The following THEMIS variants were observed in gnomAD, a reference collection of about 807,000 sequenced individuals.
THEMIS encodes the protein thymocyte selection associated.
Under a neutral mutation model 52.6 loss-of-function variants are expected in THEMIS, and 37 were observed. The ratio of observed to expected loss-of-function variants is 0.70; its 90% CI spans 0.54 to 0.93. The LOEUF (loss-of-function observed/expected upper bound fraction) is 0.93, where lower values mean the gene tolerates loss of function less well. Ranked by LOEUF, THEMIS falls within the 40% of genes least tolerant of loss-of-function variation. The pLI is 0.00. For missense variants in THEMIS, 808 were observed against 763.1 expected, an observed-to-expected ratio of 1.06 and a Z score of -0.69; for synonymous variants, 292 against 272.7, an observed-to-expected ratio of 1.07 and a Z score of -0.70.
At chr6:127,763,837 A>G (rs1459820492) in intron 4 of THEMIS, among the ~76,000 whole-genome samples, 1 of 151,974 alleles carries the variant, frequency 6.6e-6, no homozygotes, top group Non-Finnish European at 1.5e-5. Flanking sequence ...ATATCATGCT[A>G]AAGTATATCA....
In THEMIS at chr6:127,817,336, GAA is replaced by G. The variant is rs1013383699; in HGVS notation, c.710-3407_710-3406del. On this transcript the variant is annotated intron_variant, in intron 3 of 5. Transcript: ENST00000368248. ...ATATATTCTATATAAAATTTCACTG[GAA>G]AAAAAAGTTTTCTATGTTAAAACTC... Among the ~76,000 whole-genome samples the G allele has an allele frequency of 2.6e-5, 4 of 151,840 alleles. No homozygotes were observed. In the East Asian group the frequency reaches 7.7e-4, roughly 29 times the overall value.
chr6:127,698,465 T>C, the THEMIS span, among the ~76,000 whole-genome samples: 5 of 152,098 alleles, frequency 3.3e-5, no homozygotes, highest in Admixed American at 3.3e-4. Flanking sequence ...TTCGTTAATA[T>C]CCATTGTTTC....
chr6:127,849,100 G>A (rs1001992242), intron 2 of THEMIS, among the ~76,000 whole-genome samples: 2 of 151,948 alleles, frequency 1.3e-5, no homozygotes, highest in African/African-American at 2.4e-5. Flanking sequence ...ATTAATTTTT[G>A]TATAAGGTGT....
chr6:127,879,753 G>T (rs1451857486), intron 1 of THEMIS, among the ~76,000 whole-genome samples: 1 of 151,980 alleles, frequency 6.6e-6, no homozygotes, highest in Non-Finnish European at 1.5e-5. Context: ...CGGGGAAGAA[G>T]GATGGAGAAG....
rs1023027055 is a variant in THEMIS at position 127,871,290 on chromosome 6, T to TACATAC, written c.92-16108_92-16103dup. Among the ~76,000 whole-genome samples, 12 of 151,972 alleles carry TACATAC rather than the reference T, an allele frequency of 7.9e-5. 1 individual carries two copies. The highest frequency in any genetic ancestry group is 2.7e-4 in the African/African-American group (11 of 41,420). Reference sequence around the variant, plus strand: ...CATATAATACATATTTATACCTATATACATACACATACACATACATATATT... The same window carrying TACATAC: ...CATATAATACATATTTATACCTATATACATACACATACACATACACATACATATATT... On this transcript the variant is annotated intron_variant, in intron 1 of 5. Transcript: ENST00000368248.
intron 4 of THEMIS, among the ~76,000 whole-genome samples, chr6:127,745,110 T>C (rs1040721881): frequency 6.6e-6 from 1 of 151,970 alleles, no homozygotes. Flanking sequence ...AACAATACTC[T>C]CTTTAATGCC....
intron 4 of THEMIS, among the ~76,000 whole-genome samples, chr6:127,724,168 T>C (rs550904024): frequency 4.1e-4 from 63 of 152,252 alleles, no homozygotes; most frequent in Non-Finnish European, 6.5e-4. Context: ...AGTTACATTT[T>C]ACTTTGTTTT....
At chr6:127,860,215 A>G (rs1340839345) in intron 1 of THEMIS, among the ~76,000 whole-genome samples, 2 of 152,178 alleles carry the variant, frequency 1.3e-5, no homozygotes, top group African/African-American at 4.8e-5. Context: ...CACTCTATGA[A>G]GAATGTGTCT....
intron 3 of THEMIS, among the ~76,000 whole-genome samples, chr6:127,828,746 G>T (rs1778593175): frequency 6.6e-6 from 1 of 152,168 alleles, no homozygotes; most frequent in African/African-American, 2.4e-5. Context: ...GAGGTCAAGA[G>T]ATCGAGACCA....
the THEMIS span, among the ~76,000 whole-genome samples, chr6:127,697,937 C>T: frequency 1.3e-5 from 2 of 152,218 alleles, no homozygotes; most frequent in Non-Finnish European, 2.9e-5. Context: ...AATCAAGTTA[C>T]TCCTCCATGT....
chr6:127,795,127 A>G (rs1199646990), intron 4 of THEMIS, among the ~76,000 whole-genome samples: 2 of 152,194 alleles, frequency 1.3e-5, no homozygotes. Context: ...ATGACCTGAT[A>G]TCTCCCACGA....
chr6:127,905,933 T>C (rs1781258728), upstream of THEMIS, among the ~76,000 whole-genome samples: 1 of 148,142 alleles, frequency 6.8e-6, no homozygotes, highest in Admixed American at 6.7e-5. Context: ...ATTATACTCT[T>C]AAAATAATTT....
intron 4 of THEMIS, among the ~76,000 whole-genome samples, chr6:127,809,280 T>C (rs1411970559): frequency 2.0e-5 from 3 of 152,130 alleles, no homozygotes; most frequent in African/African-American, 7.2e-5. Context: ...GCACACATGA[T>C]AGAAGAGACT....
chr6:127,748,042 A>G (rs1399816267), intron 4 of THEMIS, among the ~76,000 whole-genome samples: 1 of 152,166 alleles, frequency 6.6e-6, no homozygotes, highest in African/African-American at 2.4e-5. Context: ...CACATGCAAG[A>G]AGACACTCAA....
chr6:127,836,124 T>C (rs1456813483), intron 2 of THEMIS, among the ~76,000 whole-genome samples: 1 of 152,184 alleles, frequency 6.6e-6, no homozygotes, highest in Non-Finnish European at 1.5e-5. Context: ...CTGAAGCCAG[T>C]TGAGGGAGGA....
intron 4 of THEMIS, among the ~76,000 whole-genome samples, chr6:127,750,008 C>A (rs1775581707): frequency 6.8e-6 from 1 of 146,516 alleles, no homozygotes; most frequent in African/African-American, 2.5e-5. Flanking sequence ...AATGGGGACA[C>A]TGCATCCTAG....
downstream of THEMIS, among the ~76,000 whole-genome samples, chr6:127,707,920 A>G (rs144705163): frequency 6.8e-4 from 104 of 152,146 alleles, no homozygotes; most frequent in African/African-American, 2.4e-3. Context: ...GACTGATTCA[A>G]TTAGGAAGAG....
At chr6:127,833,092 C>A (rs1778755880) in intron 2 of THEMIS, among the ~76,000 whole-genome samples, 3 of 151,490 alleles carry the variant, frequency 2.0e-5, no homozygotes, top group Non-Finnish European at 4.4e-5. Context: ...CCTGTTAGTT[C>A]TCAAAATAAA....
At chr6:127,843,977 C>CAGA (rs1255196402) in intron 2 of THEMIS, among the ~76,000 whole-genome samples, 2 of 152,008 alleles carry the variant, frequency 1.3e-5, no homozygotes, top group African/African-American at 4.8e-5. Context: ...GACCCTGAGG[C>CAGA]AGAACTATAG....
Sources: gnomAD v4.1 joint callset for allele counts (sites outside exome capture counted in the v4.1 genomes callset) on GRCh38, gnomAD v4.1.1 for gene constraint, MANE v1.5 for transcripts, NCBI Gene and HGNC (gene_info 2026-07-23, HGNC 2026-07-21) for gene names.